Variants in WDR43 observed in about 807,000 individuals in gnomAD.
WDR43 encodes the protein WD repeat domain 43.
WDR43 carries 13 observed loss-of-function variants against 91.4 expected under a neutral mutation model. That is an observed-to-expected ratio of 0.14 (90% CI 0.09 to 0.23). The LOEUF (loss-of-function observed/expected upper bound fraction) is 0.23. Among genes scored for constraint, WDR43 ranks in the 10% least tolerant of loss-of-function variants. WDR43 has a pLI of 1.00. For missense variants in WDR43, 780 were observed against 809.4 expected, an observed-to-expected ratio of 0.96 and a Z score of 0.44; for synonymous variants, 331 against 287.9, an observed-to-expected ratio of 1.15 and a Z score of -1.51.
At chr2:28,928,807 G>A (rs1285522563) in intron 10 of WDR43, among the ~76,000 whole-genome samples, 3 of 151,868 alleles carry the variant, frequency 2.0e-5, no homozygotes, top group African/African-American at 7.3e-5. Context: ...TCAGCCTCTT[G>A]AGTAGCTGGG....
intron 3 of WDR43, among the ~76,000 whole-genome samples, chr2:28,911,634 T>C (rs926799001): frequency 1.4e-5 from 2 of 145,868 alleles, no homozygotes; most frequent in Non-Finnish European, 1.6e-5. Flanking sequence ...CTACTGTTAC[T>C]TGCCTTTTTT....
At position 28,936,778 on chromosome 2, in the gene WDR43, A is replaced by T. The variant is rs183615168; in HGVS notation, c.1525-144A>T. 53 of 732,962 alleles carry T rather than the reference A, an allele frequency of 7.2e-5. No individual in the cohort carries two copies. In the African/African-American group the frequency reaches 8.1e-4, roughly 11 times the overall value. The allele number at this position is 732,962 out of a possible 1,614,324, so 45.4% of individuals were successfully genotyped here. ...TCAGCTAATTACTCTGATTATGGGA[A>T]TGTATTCATAGACTGTATTATGCGG... On this transcript the variant is annotated intron_variant, in intron 12 of 17. Transcript: ENST00000407426.
At chr2:28,945,525 T>C (rs888676470) in intron 16 of WDR43, among the ~76,000 whole-genome samples, 2 of 152,192 alleles carry the variant, frequency 1.3e-5, no homozygotes, top group Non-Finnish European at 2.9e-5. Context: ...CACCTTATGT[T>C]TGTGGATTTG....
intron 3 of WDR43, among the ~76,000 whole-genome samples, chr2:28,907,044 T>A (rs1280684537): frequency 6.6e-6 from 1 of 152,124 alleles, no homozygotes; most frequent in Non-Finnish European, 1.5e-5. Flanking sequence ...TAGGGGATAA[T>A]GGATGGCAGA....
intron 11 of WDR43, among the ~76,000 whole-genome samples, chr2:28,935,115 C>T (rs1447446774): frequency 6.6e-6 from 1 of 152,162 alleles, no homozygotes; most frequent in Admixed American, 6.6e-5. Context: ...TTGACACCTA[C>T]TTTAAAAGGA....
At chr2:28,938,344 G>T (rs1671372924) in intron 14 of WDR43, among the ~76,000 whole-genome samples, 1 of 152,206 alleles carries the variant, frequency 6.6e-6, no homozygotes, top group African/African-American at 2.4e-5. Context: ...ACATGCTAAT[G>T]TGTCTGTCCT....
intron 1 of WDR43, among the ~76,000 whole-genome samples, chr2:28,901,101 C>T (rs1670570833): frequency 6.6e-6 from 1 of 152,084 alleles, no homozygotes; most frequent in Non-Finnish European, 1.5e-5. Flanking sequence ...AAGATATTCT[C>T]TTTTCTATGG....
intron 1 of WDR43, among the ~76,000 whole-genome samples, chr2:28,895,635 C>T (rs1293699076): frequency 6.6e-6 from 1 of 152,038 alleles, no homozygotes; most frequent in Non-Finnish European, 1.5e-5. Context: ...GAAGTAGTAG[C>T]TTGATTTAGT....
At chr2:28,946,360 G>A in intron 16 of WDR43, 90 bp from the exon 17 acceptor site, 1 of 1,230,346 alleles carries the variant, frequency 8.1e-7, no homozygotes, top group Non-Finnish European at 1.1e-6. Context: ...ATTTCTAAAA[G>A]TAAATTCAGG....
In WDR43 at chr2:28,942,339, G is replaced by A. The variant is rs369992743; in HGVS notation, c.1762G>A (p.Ala588Thr). Residue 588 changes from alanine (A) to threonine (T), a missense_variant, in exon 16 of 18, where the codon GCA becomes ACA. Transcript: ENST00000407426. ...AACAGCATCAGAGAAGACAAAGGGA[G>A]CAACTTCCCCTGGACAGAAGGCAAA... ...QVTASEKTKG[A>T]TSPGQKAKLV... The A allele has an allele frequency of 6.2e-7, 1 of 1,613,416 alleles. No homozygotes were observed. The highest frequency in any genetic ancestry group is 8.5e-7 in the Non-Finnish European group (1 of 1,179,684).
intron 3 of WDR43, among the ~76,000 whole-genome samples, chr2:28,910,717 G>C (rs994342843): frequency 1.5e-5 from 2 of 131,594 alleles, no homozygotes; most frequent in Admixed American, 9.3e-5. Context: ...TATTTTTTTT[G>C]AGATAGGGTC....
In WDR43 at chr2:28,927,005, A is replaced by G. The variant is rs1247265342; in HGVS notation, c.1173+451A>G. 8 of 510,086 alleles carry G rather than the reference A, an allele frequency of 1.6e-5. No individual in the cohort carries two copies. The East Asian group carries it at 4.4e-4, about 28-fold the overall frequency. 31.6% of individuals were successfully genotyped at this position (510,086 alleles called of 1,614,324 possible). Reference sequence around the variant, plus strand: ...CATCATGGTGCTCCATTTTGCATATAACTTGGTGTCTACATGTAGGGGACG... The same window carrying G: ...CATCATGGTGCTCCATTTTGCATATGACTTGGTGTCTACATGTAGGGGACG... On this transcript the variant is annotated intron_variant, in intron 9 of 17. Coordinates refer to ENST00000407426, the MANE Select transcript of WDR43 (RefSeq NM_015131.3).
intron 3 of WDR43, among the ~76,000 whole-genome samples, chr2:28,910,511 G>C (rs895011326): frequency 1.3e-5 from 2 of 151,768 alleles, no homozygotes; most frequent in Admixed American, 6.6e-5. Flanking sequence ...TGAATTGCCT[G>C]TTTAGTTGTT....
chr2:28,899,938 C>T (rs888459027), intron 1 of WDR43, among the ~76,000 whole-genome samples: 2 of 152,068 alleles, frequency 1.3e-5, no homozygotes, highest in South Asian at 2.1e-4. Context: ...ATATTCCTTC[C>T]GCCTGCCCCT....
rs757978669 is a variant in WDR43, at chr2:28,941,526, T to G, written c.1686T>G (p.Phe562Leu). 1 of 1,613,620 alleles carries G rather than the reference T, an allele frequency of 6.2e-7. No homozygotes were observed. Among genetic ancestry groups the G allele is most frequent in the African/African-American group, 1.3e-5 (1 of 75,060 alleles). ...YQLMESRVKT[F>L]QKLSHLHGKL... ...TAATGGAAAGCAGAGTCAAAACTTT[T>G]CAGAAACTTTCACACCTTCATGGAA... Residue 562 changes from phenylalanine (F) to leucine (L), a missense_variant, in exon 15 of 18, where the codon TTT becomes TTG. This residue lies in a region of WDR43 where 426 missense variants were observed against 467.8 expected (regional missense o/e 0.91). Coordinates refer to ENST00000407426, the MANE Select transcript of WDR43 (RefSeq NM_015131.3).
At chr2:28,927,854 T>G in intron 10 of WDR43, 154 bp downstream of exon 10, 1 of 1,072,222 alleles carries the variant, frequency 9.3e-7, no homozygotes, top group Non-Finnish European at 1.3e-6. Context: ...ATCATAGATT[T>G]CATAATTCTA....
rs1671561471 is a variant in WDR43 at position 28,947,325 on chromosome 2, T to C, written c.*546T>C. The C allele has an allele frequency of 6.6e-6, 1 of 152,238 alleles. No homozygotes were observed. The highest frequency in any genetic ancestry group is 2.4e-5 in the African/African-American group (1 of 41,456). The allele number at this position is 152,238 out of a possible 1,614,324, so 9.4% of individuals were successfully genotyped here. A position where few individuals can be genotyped will look rare whatever the true frequency, so the allele number is the denominator to read the frequency against. On this transcript the variant is annotated 3_prime_UTR_variant, in exon 18 of 18. Coordinates refer to ENST00000407426, the MANE Select transcript of WDR43 (RefSeq NM_015131.3). The stretch of plus-strand genomic sequence containing the variant: ...AAATCCTCAGTATCCCTAGCTTGTC[T>C]ATTAACTGTGATAATCTGACTTGAG...
At chr2:28,940,070 G>A (rs963556890) in intron 14 of WDR43, among the ~76,000 whole-genome samples, 3 of 136,940 alleles carry the variant, frequency 2.2e-5, no homozygotes, top group African/African-American at 8.2e-5. Flanking sequence ...ATAGTTCATG[G>A]CACTGCACTC....
At chr2:28,902,874 C>G (rs1670601564) in intron 2 of WDR43, among the ~76,000 whole-genome samples, 1 of 152,148 alleles carries the variant, frequency 6.6e-6, no homozygotes, top group African/African-American at 2.4e-5. Flanking sequence ...TAGGTTCAGA[C>G]AATATCTATT....
Sources: gnomAD v4.1 joint callset for allele counts (sites outside exome capture counted in the v4.1 genomes callset) on GRCh38, gnomAD v4.1.1 for gene constraint, gnomAD v4.1.1 regional missense constraint, MANE v1.5 for transcripts, NCBI Gene and HGNC (gene_info 2026-07-23, HGNC 2026-07-21) for gene names.